Variants in NPAS2 observed in about 807,000 individuals in gnomAD.
The protein encoded by NPAS2 is neuronal PAS domain protein 2, also known as neuronal PAS domain-containing protein 2.
Under a neutral mutation model 107.5 loss-of-function variants are expected in NPAS2, and 23 were observed. The observed-to-expected ratio is 0.21, with a 90% CI of 0.15 to 0.30. The LOEUF is 0.30. Ranked by LOEUF, NPAS2 falls within the 10% of genes least tolerant of loss-of-function variation. NPAS2 has a pLI of 1.00. For synonymous variants in NPAS2, 403 were observed against 417.5 expected (o/e 0.97, Z 0.42); for missense variants, 756 against 1,043.3 (o/e 0.72, Z 3.79).
intron 1 of NPAS2, among the ~76,000 whole-genome samples, chr2:100,837,788 C>T (rs373386341): frequency 6.6e-6 from 1 of 152,062 alleles, no homozygotes; most frequent in African/African-American, 2.4e-5. Context: ...TGGGCGTATG[C>T]TGGGAGGAGG....
intron 4 of NPAS2, chr2:100,933,997 A>G (rs1178266446): frequency 6.6e-6 from 1 of 152,252 alleles, no homozygotes; most frequent in Non-Finnish European, 1.5e-5. Context: ...CTTGCAGAAA[A>G]CAGAAAGTAC....
At chr2:100,876,434 C>G (rs559099239) in intron 1 of NPAS2, among the ~76,000 whole-genome samples, 1 of 152,222 alleles carries the variant, frequency 6.6e-6, no homozygotes, top group Non-Finnish European at 1.5e-5. Flanking sequence ...GAACGTAGAA[C>G]GAGGTATCTG....
chr2:100,891,060 G>A (rs13418148), intron 1 of NPAS2, among the ~76,000 whole-genome samples: 8,438 of 152,032 alleles, frequency 0.056, 748 homozygotes, highest in African/African-American at 0.19. Flanking sequence ...GTGAAACCCC[G>A]TCTCTACTAA....
intron 2 of NPAS2, among the ~76,000 whole-genome samples, chr2:100,916,739 C>G (rs1682901649): frequency 6.6e-6 from 1 of 152,160 alleles, no homozygotes. Context: ...ATTTATACAA[C>G]ATTCCACTCA....
chr2:100,854,331 G>A (rs1678421396), intron 1 of NPAS2, among the ~76,000 whole-genome samples: 4 of 152,130 alleles, frequency 2.6e-5, no homozygotes, highest in Admixed American at 2.6e-4. Context: ...AGTGGCTTAA[G>A]GAAGTGAGAG....
At chr2:100,893,560 T>C (rs1424719833) in intron 1 of NPAS2, among the ~76,000 whole-genome samples, 1 of 152,152 alleles carries the variant, frequency 6.6e-6, no homozygotes, top group African/African-American at 2.4e-5. Flanking sequence ...ACAACAGGCT[T>C]GGGGTAGTCA....
At chr2:100,818,854 C>T (rs1675878789), upstream of NPAS2, among the ~76,000 whole-genome samples, 1 of 152,256 alleles carries the variant, frequency 6.6e-6, no homozygotes, top group Admixed American at 6.5e-5. Flanking sequence ...CCTTTCCCCT[C>T]TCCCGGGCTT....
chr2:100,867,859 T>A (rs1262713106), intron 1 of NPAS2, among the ~76,000 whole-genome samples: 2 of 152,176 alleles, frequency 1.3e-5, no homozygotes, highest in African/African-American at 4.8e-5. Flanking sequence ...TATTTATTTT[T>A]AACTATTTTA....
At chr2:100,877,951 A>AT in intron 1 of NPAS2, 3 of 985,082 alleles carry the variant, frequency 3.0e-6, no homozygotes, top group Non-Finnish European at 3.6e-6. Context: ...GAAACACTAC[A>AT]TAAAAAGTGC....
intron 3 of NPAS2, among the ~76,000 whole-genome samples, chr2:100,932,649 T>TGGTACCACCTGCAAGGGCA (rs1684033813): frequency 6.6e-6 from 1 of 152,200 alleles, no homozygotes; most frequent in African/African-American, 2.4e-5. Flanking sequence ...TTCAGGGCCA[T>TGGTACCACCTGCAAGGGCA]GGTACCACCT....
In NPAS2 at chr2:100,993,485, G is replaced by A. The variant is rs1174607133; in HGVS notation, c.2250G>A (p.Gln750=). The change falls in exon 20 of 21, where the codon CAG becomes CAA. Residue 750 remains glutamine, a synonymous_variant. Coordinates refer to ENST00000335681, the MANE Select transcript of NPAS2 (RefSeq NM_002518.4). Reference sequence around the variant, plus strand: ...CTGCCTCCCAACCATCGCCCCTGCAGCCTGCACAGGCCCGGCAGCAGCCAC... The same window carrying A: ...CTGCCTCCCAACCATCGCCCCTGCAACCTGCACAGGCCCGGCAGCAGCCAC... The part of the protein sequence containing the change: ...SFPASQPSPL[Q]PAQARQQPPQ... 2 of 1,604,366 alleles carry A rather than the reference G, an allele frequency of 1.2e-6. No individual in the cohort carries two copies. Among genetic ancestry groups the A allele is most frequent in the Non-Finnish European group, 1.7e-6 (2 of 1,175,538 alleles).
intron 7 of NPAS2, among the ~76,000 whole-genome samples, chr2:100,963,349 C>G (rs4851391): frequency 0.34 from 52,377 of 152,130 alleles, 10,848 homozygotes; most frequent in East Asian, 0.73. Context: ...CTGGAGTATT[C>G]AAACCGTTAC....
rs139368937 is a variant in NPAS2 at position 100,995,741 on chromosome 2, G to A, written c.*159G>A. 2.0e-5 allele frequency: 31 copies of A among 1,549,400 alleles called. No homozygotes were observed. Among genetic ancestry groups the A allele is most frequent in the African/African-American group, 9.6e-5 (7 of 73,160 alleles). ...ATGGTAACCATCTCTGGAGTGCAGC[G>A]CTTGCTGCAGTGGAAATGATCAGGA... is the stretch of plus-strand genomic sequence containing the variant. On this transcript the variant is annotated 3_prime_UTR_variant, in exon 21 of 21. Transcript: ENST00000335681.
chr2:100,977,814 C>T lies in NPAS2; in HGVS notation c.1482+15C>T. ...CCATGGCACAGGTGAGTCTGGGACC[C>T]AGGAAAGGGCAGCCCCTCTCAAGCC... On this transcript the variant is annotated intron_variant, in intron 15 of 20. Coordinates refer to ENST00000335681, the MANE Select transcript of NPAS2 (RefSeq NM_002518.4). 1 of 1,608,690 alleles carries T rather than the reference C, an allele frequency of 6.2e-7. No homozygotes were observed. The highest frequency in any genetic ancestry group is 8.5e-7 in the Non-Finnish European group (1 of 1,175,382).
At chr2:100,881,799 A>C (rs1360491866) in intron 1 of NPAS2, among the ~76,000 whole-genome samples, 1 of 152,080 alleles carries the variant, frequency 6.6e-6, no homozygotes, top group East Asian at 1.9e-4. Context: ...ACAGGGGAGG[A>C]AGTCCAGGCG....
At chr2:100,854,424 T>C (rs1678426553) in intron 1 of NPAS2, among the ~76,000 whole-genome samples, 1 of 152,152 alleles carries the variant, frequency 6.6e-6, no homozygotes, top group African/African-American at 2.4e-5. Flanking sequence ...GGCATGGAAC[T>C]AGGGTGTTTC....
chr2:100,931,871 T>C (rs897144363), intron 3 of NPAS2, among the ~76,000 whole-genome samples: 2 of 152,190 alleles, frequency 1.3e-5, no homozygotes, highest in Non-Finnish European at 2.9e-5. Context: ...GCATTCCTCA[T>C]GCGCCACGTA....
intron 1 of NPAS2, among the ~76,000 whole-genome samples, chr2:100,870,380 T>A (rs901801528): frequency 1.8e-4 from 27 of 152,210 alleles, no homozygotes; most frequent in African/African-American, 6.5e-4. Context: ...GACCAACTTC[T>A]CTGCTTAGTT....
At chr2:100,954,243 G>A (rs372890891) in intron 7 of NPAS2, among the ~76,000 whole-genome samples, 2 of 152,186 alleles carry the variant, frequency 1.3e-5, no homozygotes, top group Non-Finnish European at 2.9e-5. Flanking sequence ...CTTTAGGTGC[G>A]TTGCTTTGCA....
Sources: allele counts gnomAD v4.1 joint callset (sites outside exome capture counted in the v4.1 genomes callset), GRCh38; gene constraint gnomAD v4.1.1; transcripts MANE v1.5; gene names NCBI Gene and HGNC (gene_info 2026-07-23, HGNC 2026-07-21).